The following ZDHHC6 variants were observed in gnomAD, a reference collection of about 807,000 sequenced individuals.
ZDHHC6 encodes palmitoyltransferase ZDHHC6.
Under a neutral mutation model 57.8 loss-of-function variants are expected in ZDHHC6, and 32 were observed. The ratio of observed to expected loss-of-function variants is 0.55; its 90% CI spans 0.42 to 0.74. ZDHHC6 has a LOEUF of 0.74. ZDHHC6 is among the 30% of genes least tolerant of loss of function. The pLI is 0.00. For synonymous variants in ZDHHC6, 128 were observed against 158.0 expected, an observed-to-expected ratio of 0.81 and a Z score of 1.42; for missense variants, 433 against 500.7, an observed-to-expected ratio of 0.86 and a Z score of 1.29.
At chr10:112,426,255 T>C (rs760576110), downstream of ZDHHC6, 2 of 1,613,278 alleles carry the variant, frequency 1.2e-6, no homozygotes, top group Non-Finnish European at 1.7e-6. Context: ...TTCCTTTCCA[T>C]AGTCATCCTT....
At chr10:112,445,083 G>A (rs1174628568) in intron 2 of ZDHHC6, 87 bp downstream of exon 2, 3 of 1,426,008 alleles carry the variant, frequency 2.1e-6, no homozygotes, top group Non-Finnish European at 2.8e-6. Flanking sequence ...ACAGTAGGCT[G>A]TGTTTGGTAT....
chr10:112,435,849 C>G (rs1845475145), intron 6 of ZDHHC6, among the ~76,000 whole-genome samples: 1 of 152,066 alleles, frequency 6.6e-6, no homozygotes. Context: ...CTTTGCCTAA[C>G]AGAAACACTC....
intron 10 of ZDHHC6, among the ~76,000 whole-genome samples, chr10:112,431,648 G>C (rs1195711858): frequency 6.6e-6 from 1 of 151,848 alleles, no homozygotes; most frequent in African/African-American, 2.4e-5. Flanking sequence ...GCCGTCATAA[G>C]AGGTTAATTT....
downstream of ZDHHC6, chr10:112,428,322 C>T (rs2133708030): frequency 2.5e-6 from 1 of 397,004 alleles, no homozygotes; most frequent in South Asian, 1.3e-4. Context: ...CCACAGATAA[C>T]ACATGTTGTT....
At chr10:112,434,261 G>T in intron 7 of ZDHHC6, 36 bp downstream of exon 7, 1 of 1,502,392 alleles carries the variant, frequency 6.7e-7, no homozygotes, top group Non-Finnish European at 8.9e-7. Flanking sequence ...AGAAGGCGAG[G>T]CAAAAAGGAA....
At chr10:112,441,508 A>G (rs1203078003) in intron 4 of ZDHHC6, among the ~76,000 whole-genome samples, 1 of 152,244 alleles carries the variant, frequency 6.6e-6, no homozygotes, top group Non-Finnish European at 1.5e-5. Flanking sequence ...TTAGGTGCCA[A>G]CATTTAAAAA....
downstream of ZDHHC6, chr10:112,426,239 TTTTA>T: frequency 2.5e-6 from 4 of 1,603,640 alleles, no homozygotes; most frequent in Middle Eastern, 1.7e-4. Flanking sequence ...CCCTTGCACC[TTTTA>T]TTTCCTTTCC....
At chr10:112,426,468 T>C, downstream of ZDHHC6, 2 of 881,048 alleles carry the variant, frequency 2.3e-6, no homozygotes, top group Non-Finnish European at 3.6e-6. Context: ...CCAAACAGAC[T>C]GAATAGTTTT....
chr10:112,432,195 T>C, intron 10 of ZDHHC6, 45 bp downstream of exon 10: 4 of 1,550,916 alleles, frequency 2.6e-6, no homozygotes, highest in Non-Finnish European at 3.5e-6. Context: ...TTTGGAATTA[T>C]TGCTAATAGT....
chr10:112,432,028 A>G (rs1845086600), intron 10 of ZDHHC6, among the ~76,000 whole-genome samples: 1 of 152,232 alleles, frequency 6.6e-6, no homozygotes, highest in Non-Finnish European at 1.5e-5. Context: ...CATAGTTATG[A>G]GCTCAAATGT....
chr10:112,434,884 A>G (rs2133805768), intron 6 of ZDHHC6, among the ~76,000 whole-genome samples: 1 of 152,326 alleles, frequency 6.6e-6, no homozygotes, highest in East Asian at 1.9e-4. Flanking sequence ...TTCAAGATAG[A>G]ACTGTTTTGT....
intron 6 of ZDHHC6, among the ~76,000 whole-genome samples, chr10:112,437,695 T>C (rs1019107274): frequency 1.3e-5 from 2 of 152,208 alleles, no homozygotes; most frequent in African/African-American, 4.8e-5. Flanking sequence ...ATTTGGAAAT[T>C]GTGAATATTC....
chr10:112,429,586 A>G (rs565903655), downstream of ZDHHC6, among the ~76,000 whole-genome samples: 5 of 152,338 alleles, frequency 3.3e-5, no homozygotes, highest in East Asian at 7.7e-4. Context: ...TCTGAAGTCC[A>G]GAGAAATAGG....
At chr10:112,426,961 T>G, downstream of ZDHHC6, 1 of 1,127,656 alleles carries the variant, frequency 8.9e-7, no homozygotes, top group Non-Finnish European at 1.3e-6. Flanking sequence ...GGAATTGATT[T>G]TAGATTTTGT....
intron 6 of ZDHHC6, among the ~76,000 whole-genome samples, chr10:112,436,132 A>G (rs985926672): frequency 8.5e-5 from 13 of 152,358 alleles, no homozygotes; most frequent in African/African-American, 2.6e-4. Flanking sequence ...TTTAGTATCA[A>G]GTGTGAGACA....
In ZDHHC6 at chr10:112,432,419, G is replaced by A. The variant is rs749714045; in HGVS notation, c.1048C>T (p.Gln350Ter). The A allele has an allele frequency of 6.2e-7, 1 of 1,614,096 alleles. No individual in the cohort carries two copies. The part of the protein sequence containing the change: ...TSPCTEEPRI[Q>*]LQKGEFILAT... ...AAAATGAATTCCCCTTTTTGCAGCT[G>A]TATTCGAGGCTCTTCGGTGCAGGGA... Residue 350 changes from glutamine (Q) to a stop codon, truncating the protein, a stop_gained, in exon 9 of 11, where the codon CAG becomes TAG. Transcript: ENST00000369405. LOFTEE classifies it high-confidence loss of function.
chr10:112,445,620 G>C lies in ZDHHC6; in HGVS notation c.-184C>G. On this transcript the variant is annotated 5_prime_UTR_variant, in exon 2 of 11. Transcript: ENST00000369405. ...ACCCAAAGCTCTTTATCTTAACTAG[G>C]AGAATCCAGTGTCTTGGTCTGAAAC... is the stretch of plus-strand genomic sequence containing the variant. The C allele has an allele frequency of 1.4e-6, 1 of 696,596 alleles. No individual in the cohort carries two copies. Among genetic ancestry groups the C allele is most frequent in the African/African-American group, 1.8e-5 (1 of 55,958 alleles). The allele number at this position is 696,596 out of a possible 1,614,324, so 43.2% of individuals were successfully genotyped here. A position where few individuals can be genotyped will look rare whatever the true frequency, so the allele number is the denominator to read the frequency against.
chr10:112,425,562 G>T, downstream of ZDHHC6: 1 of 1,167,798 alleles, frequency 8.6e-7, no homozygotes, highest in Middle Eastern at 2.1e-4. Context: ...TGTATAGTTG[G>T]GTTCAGAATG....
At chr10:112,442,811 G>C (rs1320869381) in intron 3 of ZDHHC6, among the ~76,000 whole-genome samples, 1 of 152,120 alleles carries the variant, frequency 6.6e-6, no homozygotes, top group Non-Finnish European at 1.5e-5. Context: ...TGTTCTCATA[G>C]TATCCTTTAG....
Sources: gnomAD v4.1 joint callset for allele counts (sites outside exome capture counted in the v4.1 genomes callset) on GRCh38, gnomAD v4.1.1 for gene constraint, MANE v1.5 for transcripts, NCBI Gene and HGNC (gene_info 2026-07-23, HGNC 2026-07-21) for gene names.